Variants in PKHD1 observed in about 807,000 individuals in gnomAD.
The protein encoded by PKHD1 is PKHD1 ciliary IPT domain containing fibrocystin/polyductin.
In PKHD1, 291 loss-of-function variants were observed where a neutral mutation model predicts 412.0. That is an observed-to-expected ratio of 0.71 (90% confidence interval 0.64 to 0.78). PKHD1 has a LOEUF of 0.78. PKHD1 is among the 30% of genes least tolerant of loss of function. PKHD1 has a pLI of 0.00. For missense variants in PKHD1, 4,825 were observed against 4,950.7 expected (o/e 0.97, Z 0.76); for synonymous variants, 1,777 against 1,821.5 (o/e 0.98, Z 0.62).
intron 52 of PKHD1, among the ~76,000 whole-genome samples, chr6:51,792,730 T>C (rs955155944): frequency 6.6e-6 from 1 of 152,202 alleles, no homozygotes; most frequent in Non-Finnish European, 1.5e-5. Flanking sequence ...GCAGTGGTTC[T>C]CAAAGTATGG....
At chr6:52,057,774 CAT>C (rs66687214) in intron 16 of PKHD1, among the ~76,000 whole-genome samples, 2,814 of 152,240 alleles carry the variant, frequency 0.018, 82 homozygotes, top group African/African-American at 0.064. Context: ...TATTTGTGCA[CAT>C]GTTTTACTTT....
At chr6:51,874,955 C>T (rs1189917157) in intron 46 of PKHD1, among the ~76,000 whole-genome samples, 7 of 75,758 alleles carry the variant, frequency 9.2e-5, no homozygotes, top group African/African-American at 2.3e-4. Flanking sequence ...ACCTGGGAAG[C>T]GCAAGGGGTC....
At chr6:51,818,238 T>C (rs1314132228) in intron 52 of PKHD1, among the ~76,000 whole-genome samples, 1 of 152,202 alleles carries the variant, frequency 6.6e-6, no homozygotes, top group African/African-American at 2.4e-5. Context: ...GGCAGTCACT[T>C]ACTGCTTGCA....
intron 66 of PKHD1, among the ~76,000 whole-genome samples, chr6:51,620,703 T>C (rs1427265710): frequency 1.3e-5 from 2 of 151,136 alleles, no homozygotes; most frequent in Non-Finnish European, 2.9e-5. Flanking sequence ...AGAGACAGTA[T>C]TGGGATAGAC....
chr6:51,868,367 G>C lies in PKHD1; in HGVS notation c.7487-258C>G, dbSNP rs376237055. Among the ~76,000 whole-genome samples, 25 of 152,198 alleles carry C rather than the reference G, an allele frequency of 1.6e-4. No individual in the cohort carries two copies. The South Asian group carries it at 5.2e-3, about 32-fold the overall frequency. On this transcript the variant is annotated intron_variant, in intron 47 of 66. Coordinates refer to ENST00000371117, the MANE Select transcript of PKHD1 (RefSeq NM_138694.4). ...CATGCAGTCTATAGTCCACATTGTA[G>C]GGCAGTGATTTTTCTATCATGGTTG...
intron 35 of PKHD1, among the ~76,000 whole-genome samples, chr6:51,973,362 A>C (rs1793938752): frequency 6.6e-6 from 1 of 152,340 alleles, no homozygotes; most frequent in African/African-American, 2.4e-5. Flanking sequence ...CATTTACTTT[A>C]CAGTCACCTG....
chr6:51,760,461 G>A (rs1306428578), intron 55 of PKHD1, among the ~76,000 whole-genome samples: 1 of 152,100 alleles, frequency 6.6e-6, no homozygotes, highest in African/African-American at 2.4e-5. Flanking sequence ...CTTACGTTCA[G>A]ATGATGGGAA....
At chr6:51,906,159 T>TG (rs915873954) in intron 41 of PKHD1, 56 bp downstream of exon 41, 37 of 1,502,282 alleles carry the variant, frequency 2.5e-5, no homozygotes, top group Middle Eastern at 1.7e-4. Context: ...GAATTCATTG[T>TG]GAAAAACTGT....
At chr6:51,751,237 TG>T (rs1486589612) in intron 57 of PKHD1, among the ~76,000 whole-genome samples, 2 of 152,174 alleles carry the variant, frequency 1.3e-5, no homozygotes, top group Non-Finnish European at 2.9e-5. Flanking sequence ...TCAAAAGTCT[TG>T]GCCTGCTTTT....
intron 35 of PKHD1, among the ~76,000 whole-genome samples, chr6:52,000,363 CCT>C (rs749558499): frequency 1.3e-5 from 2 of 152,028 alleles, no homozygotes; most frequent in Non-Finnish European, 2.9e-5. Flanking sequence ...AGCAAGCAGG[CCT>C]CTCTGCAGGA....
intron 23 of PKHD1, among the ~76,000 whole-genome samples, chr6:52,048,069 C>G (rs1305162598): frequency 6.6e-6 from 1 of 152,288 alleles, no homozygotes; most frequent in East Asian, 1.9e-4. Flanking sequence ...ATGGCCACAG[C>G]CAAGACATGC....
intron 19 of PKHD1, 129 bp from the exon 20 acceptor site, chr6:52,054,294 C>T (rs1807359556): frequency 1.3e-6 from 1 of 783,872 alleles, no homozygotes; most frequent in South Asian, 1.6e-5. Flanking sequence ...AGTTCCTGCC[C>T]TTCCAGAGCT....
At chr6:51,714,466 G>A (rs1038716227) in intron 60 of PKHD1, among the ~76,000 whole-genome samples, 18 of 152,118 alleles carry the variant, frequency 1.2e-4, no homozygotes, top group African/African-American at 3.6e-4. Flanking sequence ...AGTGCATGAC[G>A]GGCCAGATGA....
intron 3 of PKHD1, 92 bp downstream of exon 3, chr6:52,083,086 T>A: frequency 5.6e-6 from 5 of 898,808 alleles, no homozygotes; most frequent in Non-Finnish European, 9.4e-6. Context: ...TTTACACCTG[T>A]CCTTAGAAAA....
At chr6:51,712,919 A>G (rs530414127) in intron 60 of PKHD1, among the ~76,000 whole-genome samples, 12 of 152,358 alleles carry the variant, frequency 7.9e-5, no homozygotes, top group East Asian at 3.9e-4. Flanking sequence ...GGATCTTCCA[A>G]TGTGACTGAC....
At chr6:52,035,072 A>G (rs1349867415) in intron 28 of PKHD1, among the ~76,000 whole-genome samples, 2 of 152,188 alleles carry the variant, frequency 1.3e-5, no homozygotes, top group African/African-American at 2.4e-5. Flanking sequence ...CACTAATTGA[A>G]AGGAAAGGAA....
chr6:51,686,393 A>G (rs1392835874), intron 60 of PKHD1, among the ~76,000 whole-genome samples: 2 of 151,950 alleles, frequency 1.3e-5, no homozygotes, highest in African/African-American at 4.8e-5. Flanking sequence ...ATCCTCACAC[A>G]CTGCAGGCAC....
chr6:51,752,426 C>A (rs1008398701), intron 57 of PKHD1, among the ~76,000 whole-genome samples: 3 of 152,212 alleles, frequency 2.0e-5, no homozygotes, highest in African/African-American at 7.2e-5. Context: ...GGAGACAGAG[C>A]TTGCTCTATT....
chr6:52,046,713 C>T (rs924314654), intron 23 of PKHD1, among the ~76,000 whole-genome samples: 1 of 152,240 alleles, frequency 6.6e-6, no homozygotes, highest in Non-Finnish European at 1.5e-5. Flanking sequence ...CAACCACCTG[C>T]TTCCCCATTC....
Sources: gnomAD v4.1 joint callset for allele counts (sites outside exome capture counted in the v4.1 genomes callset) on GRCh38, gnomAD v4.1.1 for gene constraint, MANE v1.5 for transcripts, NCBI Gene and HGNC (gene_info 2026-07-23, HGNC 2026-07-21) for gene names.